Variants in RAD9B observed in about 807,000 individuals in gnomAD.
RAD9B encodes RAD9 checkpoint clamp component B.
RAD9B carries 41 observed loss-of-function variants against 48.3 expected under a neutral mutation model. The ratio of observed to expected loss-of-function variants is 0.85; its 90% CI spans 0.66 to 1.10. The LOEUF is 1.10. RAD9B is among the 50% of genes least tolerant of loss of function. RAD9B has a pLI of 0.00. For synonymous variants in RAD9B, 160 were observed against 157.9 expected (o/e 1.01, Z -0.10); for missense variants, 444 against 485.1 (o/e 0.92, Z 0.80).
chr12:110,517,947 G>T (rs1324956061), intron 6 of RAD9B, among the ~76,000 whole-genome samples: 1 of 152,142 alleles, frequency 6.6e-6, no homozygotes, highest in Non-Finnish European at 1.5e-5. Context: ...CCAGTACTTT[G>T]GGAGGCTGAG....
intron 2 of RAD9B, among the ~76,000 whole-genome samples, chr12:110,505,079 C>T (rs2063222959): frequency 6.6e-6 from 1 of 151,908 alleles, no homozygotes; most frequent in Non-Finnish European, 1.5e-5. Flanking sequence ...AACATGTAAA[C>T]TTTTAGATTT....
intron 9 of RAD9B, among the ~76,000 whole-genome samples, 174 bp downstream of exon 9, chr12:110,520,090 C>T (rs904526911): frequency 1.6e-4 from 25 of 152,240 alleles, no homozygotes; most frequent in African/African-American, 5.5e-4. Flanking sequence ...AGAAACATCA[C>T]CAATCTCGTG....
intron 9 of RAD9B, among the ~76,000 whole-genome samples, chr12:110,520,233 G>T (rs965507864): frequency 1.3e-5 from 2 of 152,062 alleles, no homozygotes; most frequent in South Asian, 2.1e-4. Context: ...TTTAGACAAG[G>T]TCTCACTCCC....
At position 110,506,701 on chromosome 12, in the gene RAD9B, T is replaced by C. The variant is rs756287503; in HGVS notation, c.388+8T>C. 5.3e-6 allele frequency: 7 copies of C among 1,309,946 alleles called. No homozygotes were observed. The African/African-American group carries it at 7.3e-5, about 14-fold the overall frequency. 81.1% of individuals were successfully genotyped at this position (1,309,946 alleles called of 1,614,324 possible). A position where few individuals can be genotyped will look rare whatever the true frequency, so the allele number is the denominator to read the frequency against. On this transcript the variant is annotated splice_region_variant and intron_variant, in intron 4 of 10. Coordinates refer to ENST00000409300, the MANE Select transcript of RAD9B (RefSeq NM_001286535.2). ...AATTCTTCTACAGACATGGTAGGTA[T>C]AATTAAAAGTGGTTTAAAATACTAT...
At chr12:110,514,030 TTCC>T (rs1172752119) in intron 5 of RAD9B, among the ~76,000 whole-genome samples, 2 of 106,648 alleles carry the variant, frequency 1.9e-5, no homozygotes, top group African/African-American at 9.3e-5. Flanking sequence ...ATCTGGTCCC[TTCC>T]TTCCTTCCTT....
chr12:110,517,235 A>G (rs1046174837), intron 6 of RAD9B, among the ~76,000 whole-genome samples: 1 of 152,026 alleles, frequency 6.6e-6, no homozygotes, highest in Admixed American at 6.6e-5. Context: ...AGCTGAGGCA[A>G]GGGGATCACT....
At position 110,524,635 on chromosome 12, in the gene RAD9B, C is replaced by T. The variant is rs183810706; in HGVS notation, c.1125+2224C>T. Among the ~76,000 whole-genome samples, 780 of 152,094 alleles carry T rather than the reference C, an allele frequency of 5.1e-3. 10 individuals carry two copies. The highest frequency in any genetic ancestry group is 0.018 in the African/African-American group (759 of 41,532). ...ACTCTTAGATTGGCCGGCGTGGTGG[C>T]TCATGCCTGTAATCCCAGCATTTTG... On this transcript the variant is annotated intron_variant, in intron 10 of 10. Coordinates refer to ENST00000409300, the MANE Select transcript of RAD9B (RefSeq NM_001286535.2).
chr12:110,513,008 C>T (rs1216122438), intron 5 of RAD9B, 130 bp downstream of exon 5: 2 of 576,102 alleles, frequency 3.5e-6, no homozygotes, highest in Non-Finnish European at 6.1e-6. Flanking sequence ...CTGTGTCGCC[C>T]AGGCTGGAGT....
rs2063244683 is a variant in RAD9B at position 110,505,760 on chromosome 12, AT to A, written c.263del (p.Leu88TrpfsTer3). The part of the protein sequence containing the change: ...LDTTLHLKCK[L>X]GMKSILPIFR... ...ACACAACACTGCATTTAAAATGCAA[AT>A]TGGGAATGAAGGTAAATATAAGTGG... On this transcript the variant is annotated frameshift_variant, in exon 3 of 11. Transcript: ENST00000409300. LOFTEE classifies it high-confidence loss of function. 14 of 1,612,026 alleles carry A rather than the reference AT, an allele frequency of 8.7e-6. No homozygotes were observed. The highest frequency in any genetic ancestry group is 1.2e-5 in the Non-Finnish European group (14 of 1,178,974).
chr12:110,513,818 G>T (rs564531110), intron 5 of RAD9B, among the ~76,000 whole-genome samples: 1 of 151,610 alleles, frequency 6.6e-6, no homozygotes, highest in African/African-American at 2.4e-5. Context: ...CCACCTCCTG[G>T]GTTCAAACAA....
chr12:110,511,729 A>G (rs1177545529), intron 4 of RAD9B: 1 of 186,100 alleles, frequency 5.4e-6, no homozygotes, highest in East Asian at 1.5e-4. Flanking sequence ...AGAGGACTTA[A>G]AATGTTCTTA....
At chr12:110,504,746 C>A (rs2063209638) in intron 2 of RAD9B, among the ~76,000 whole-genome samples, 1 of 152,090 alleles carries the variant, frequency 6.6e-6, no homozygotes, top group South Asian at 2.1e-4. Context: ...AATGTAATCC[C>A]AGCACTTTGG....
chr12:110,511,770 T>C (rs2063466748), intron 4 of RAD9B, among the ~76,000 whole-genome samples: 1 of 152,148 alleles, frequency 6.6e-6, no homozygotes, highest in African/African-American at 2.4e-5. Flanking sequence ...CTTGAGGTGA[T>C]GGACACCCCA....
chr12:110,507,193 A>T (rs2063302867), intron 4 of RAD9B, among the ~76,000 whole-genome samples: 1 of 151,854 alleles, frequency 6.6e-6, no homozygotes, highest in Admixed American at 6.6e-5. Context: ...GTCACTGTAG[A>T]AGTATTGTAA....
At chr12:110,513,429 T>C (rs1356412585) in intron 5 of RAD9B, among the ~76,000 whole-genome samples, 1 of 152,124 alleles carries the variant, frequency 6.6e-6, no homozygotes, top group Non-Finnish European at 1.5e-5. Flanking sequence ...TGGCTTTCTA[T>C]ATCAAGTTGC....
Position 110,530,768 on chromosome 12 carries a change from A to C in RAD9B, c.*115A>C. The stretch of plus-strand genomic sequence containing the variant: ...GTTGTCCAGGACTTCCTTTTAATGG[A>C]GGATGGGCTTTTAAACCACATCATC... On this transcript the variant is annotated 3_prime_UTR_variant, in exon 11 of 11. Transcript: ENST00000409300. The C allele has an allele frequency of 2.6e-6, 4 of 1,513,560 alleles. No homozygotes were observed. Among genetic ancestry groups the C allele is most frequent in the Non-Finnish European group, 3.5e-6 (4 of 1,135,940 alleles). 93.8% of individuals were successfully genotyped at this position (1,513,560 alleles called of 1,614,324 possible).
At chr12:110,502,535 G>C (rs1157407038) in intron 1 of RAD9B, 152 bp downstream of exon 1, 1 of 813,518 alleles carries the variant, frequency 1.2e-6, no homozygotes, top group Non-Finnish European at 2.0e-6. Flanking sequence ...TCAAGTCCCT[G>C]TTAACTTCTG....
intron 6 of RAD9B, among the ~76,000 whole-genome samples, chr12:110,516,779 C>T (rs1487808266): frequency 6.6e-6 from 1 of 151,952 alleles, no homozygotes; most frequent in Non-Finnish European, 1.5e-5. Context: ...CGCCACGGCA[C>T]TCCAGCCTGG....
Position 110,522,261 on chromosome 12 carries a change from G to C in RAD9B, c.975G>C (p.Arg325Ser). 1 of 1,612,546 alleles carries C rather than the reference G, an allele frequency of 6.2e-7. No homozygotes were observed. Among genetic ancestry groups the C allele is most frequent in the Non-Finnish European group, 8.5e-7 (1 of 1,179,334 alleles). The stretch of plus-strand genomic sequence containing the variant: ...TTTCAAAAAAAGCAGCACCAAGAAG[G>C]CTTTATCCTAAGGAGACTCTCACAA... ...ECISKKAAPRRLYPKETLTNI... is the reference protein window; with the variant it reads ...ECISKKAAPRSLYPKETLTNI... The change falls in exon 10 of 11, where the codon AGG becomes AGC. Residue 325 changes from arginine (R) to serine (S), a missense_variant. Arg to Ser is a moderately radical substitution (Grantham distance 110). Transcript: ENST00000409300.
Sources: allele counts gnomAD v4.1 joint callset (sites outside exome capture counted in the v4.1 genomes callset), GRCh38; gene constraint gnomAD v4.1.1; transcripts MANE v1.5; gene names NCBI Gene and HGNC (gene_info 2026-07-23, HGNC 2026-07-21).